NAALADL2: variants seen among roughly 807,000 people sequenced by gnomAD.
NAALADL2 encodes inactive N-acetylated-alpha-linked acidic dipeptidase-like protein 2.
Under a neutral mutation model 87.2 loss-of-function variants are expected in NAALADL2, and 76 were observed. The observed-to-expected ratio is 0.87, with a 90% CI of 0.72 to 1.05. NAALADL2 has a LOEUF of 1.05. Among genes scored for constraint, NAALADL2 ranks in the 50% least tolerant of loss-of-function variants. The probability of loss-of-function intolerance (pLI) is 0.00; values close to 1 mark genes in which losing one functional copy is unlikely to be tolerated. For synonymous variants in NAALADL2, 354 were observed against 331.0 expected (o/e 1.07, Z -0.75); for missense variants, 1,089 against 945.8 (o/e 1.15, Z -1.99).
chr3:175,449,603 C>T (rs936232065), intron 6 of NAALADL2, among the ~76,000 whole-genome samples: 2 of 151,458 alleles, frequency 1.3e-5, no homozygotes, highest in Admixed American at 1.3e-4. Flanking sequence ...CCATGTTAAC[C>T]AGGATGGTCT....
intron 4 of NAALADL2, among the ~76,000 whole-genome samples, chr3:175,279,641 A>G (rs2110071844): frequency 6.6e-6 from 1 of 152,092 alleles, no homozygotes; most frequent in South Asian, 2.1e-4. Context: ...ATGGCAGTAG[A>G]TATTACATAC....
At chr3:174,756,509 G>A (rs949560279) in intron 3 of NAALADL2, among the ~76,000 whole-genome samples, 5 of 152,146 alleles carry the variant, frequency 3.3e-5, no homozygotes, top group African/African-American at 1.2e-4. Context: ...TTTCTGCAAA[G>A]CATGCTGCCA....
chr3:175,784,010 G>A (rs1165586223), intron 13 of NAALADL2, among the ~76,000 whole-genome samples: 5 of 144,942 alleles, frequency 3.4e-5, no homozygotes, highest in Admixed American at 6.8e-5. Context: ...TACATTTATT[G>A]ATTTGTGTAT....
At chr3:175,005,777 C>T (rs1748932662) in intron 1 of NAALADL2, among the ~76,000 whole-genome samples, 1 of 152,040 alleles carries the variant, frequency 6.6e-6, no homozygotes, top group Non-Finnish European at 1.5e-5. Context: ...TCGGGGTGTA[C>T]ATACTTTGTT....
At chr3:174,785,265 A>G (rs918979274) in intron 3 of NAALADL2, among the ~76,000 whole-genome samples, 3 of 152,152 alleles carry the variant, frequency 2.0e-5, no homozygotes, top group African/African-American at 7.2e-5. Flanking sequence ...TGGTGCAAAA[A>G]TAATTGTGGT....
intron 9 of NAALADL2, among the ~76,000 whole-genome samples, chr3:175,516,795 C>A (rs1010818106): frequency 6.6e-6 from 1 of 152,084 alleles, no homozygotes; most frequent in Non-Finnish European, 1.5e-5. Flanking sequence ...TCAATATTTT[C>A]TTTTAATGAA....
chr3:174,642,333 T>C (rs545009912), intron 2 of NAALADL2, among the ~76,000 whole-genome samples: 1 of 151,886 alleles, frequency 6.6e-6, no homozygotes, highest in Admixed American at 6.6e-5. Context: ...AAACCCCGTC[T>C]CTACTAAAAA....
At chr3:175,041,631 A>G (rs2080855118) in intron 1 of NAALADL2, among the ~76,000 whole-genome samples, 2 of 152,176 alleles carry the variant, frequency 1.3e-5, no homozygotes, top group South Asian at 4.1e-4. Flanking sequence ...ACATGTTTAT[A>G]CAATGACACT....
At chr3:175,267,228 A>G (rs1434010171) in intron 4 of NAALADL2, among the ~76,000 whole-genome samples, 3 of 152,052 alleles carry the variant, frequency 2.0e-5, no homozygotes, top group Non-Finnish European at 2.9e-5. Context: ...GGTTTTAAGA[A>G]AATCTTATTA....
At chr3:175,423,028 A>AAAAAAAAAAATAT (rs1438736874) in intron 5 of NAALADL2, among the ~76,000 whole-genome samples, 218 of 111,206 alleles carry the variant, frequency 2.0e-3, no homozygotes, top group Middle Eastern at 5.4e-3. Flanking sequence ...GAAAAAAAAA[A>AAAAAAAAAAATAT]ATATATATAT....
intron 11 of NAALADL2, among the ~76,000 whole-genome samples, chr3:175,704,299 C>T (rs1196985609): frequency 6.6e-6 from 1 of 152,118 alleles, no homozygotes; most frequent in Non-Finnish European, 1.5e-5. Context: ...TCATTCAGTA[C>T]AAACGTGGAA....
intron 1 of NAALADL2, among the ~76,000 whole-genome samples, chr3:174,896,496 C>T (rs1367874859): frequency 1.3e-5 from 2 of 152,014 alleles, no homozygotes; most frequent in African/African-American, 4.8e-5. Context: ...AATTATAAAA[C>T]ACTGATGAAG....
At position 175,726,262 on chromosome 3, in the gene NAALADL2, C is replaced by CAA. The variant is rs58311186; in HGVS notation, c.1897-11027_1897-11026dup. Among the ~76,000 whole-genome samples, 849 of 131,302 alleles carry CAA rather than the reference C, an allele frequency of 6.5e-3. 9 individuals carry two copies. Among genetic ancestry groups the CAA allele is most frequent in the South Asian group, 0.027 (111 of 4,042 alleles). The allele number at this position is 131,302 out of a possible 152,430, so 86.1% of individuals were successfully genotyped here. A position where few individuals can be genotyped will look rare whatever the true frequency, so the allele number is the denominator to read the frequency against. The stretch of plus-strand genomic sequence containing the variant: ...AGAGGAGAGCTATCTTACATTTGAC[C>CAA]AAAAAAAAAAAAAAAAAATTACATG... On this transcript the variant is annotated intron_variant, in intron 11 of 13. Transcript: ENST00000454872.
intron 2 of NAALADL2, among the ~76,000 whole-genome samples, chr3:175,131,998 T>A (rs1728041550): frequency 1.0e-5 from 1 of 98,416 alleles, no homozygotes; most frequent in Admixed American, 1.0e-4. Flanking sequence ...GGAGGGGGAC[T>A]GACCCCCCCA....
intron 9 of NAALADL2, among the ~76,000 whole-genome samples, chr3:175,574,112 TG>T (rs941087626): frequency 6.6e-6 from 1 of 152,200 alleles, no homozygotes; most frequent in African/African-American, 2.4e-5. Flanking sequence ...TCCAGCACTG[TG>T]GTTGAAAAAA....
chr3:175,337,417 C>A (rs1762100684), intron 5 of NAALADL2, among the ~76,000 whole-genome samples: 1 of 152,032 alleles, frequency 6.6e-6, no homozygotes, highest in African/African-American at 2.4e-5. Context: ...TGGAGATAGT[C>A]TTTTAAAAGC....
intron 2 of NAALADL2, among the ~76,000 whole-genome samples, chr3:175,231,546 T>C (rs1744938339): frequency 6.6e-6 from 1 of 152,058 alleles, no homozygotes; most frequent in South Asian, 2.1e-4. Flanking sequence ...AAAGAAGTAT[T>C]TCATTTGCCT....
chr3:174,568,841 A>T (rs1714596961), intron 2 of NAALADL2, among the ~76,000 whole-genome samples: 1 of 151,384 alleles, frequency 6.6e-6, no homozygotes, highest in Non-Finnish European at 1.5e-5. Flanking sequence ...TTTTAAAATT[A>T]TTATTCTTTT....
intron 1 of NAALADL2, among the ~76,000 whole-genome samples, chr3:175,027,507 G>A (rs997630265): frequency 6.6e-6 from 1 of 152,008 alleles, no homozygotes; most frequent in Non-Finnish European, 1.5e-5. Context: ...AAAGACCTAT[G>A]TGACCAGATT....
Sources: allele counts gnomAD v4.1 joint callset (sites outside exome capture counted in the v4.1 genomes callset), GRCh38; gene constraint gnomAD v4.1.1; transcripts MANE v1.5; gene names NCBI Gene and HGNC (gene_info 2026-07-23, HGNC 2026-07-21).